Variants in MCTP1 observed in about 807,000 individuals in gnomAD.
MCTP1 encodes multiple C2 and transmembrane domain containing 1.
In MCTP1, 69 loss-of-function variants were observed where a neutral mutation model predicts 120.6. The observed-to-expected ratio is 0.57, with a 90% CI of 0.47 to 0.70. The LOEUF is 0.70. Among genes scored for constraint, MCTP1 ranks in the 30% least tolerant of loss-of-function variants. The probability of loss-of-function intolerance (pLI) is 0.00; values close to 1 mark genes in which losing one functional copy is unlikely to be tolerated. For missense variants in MCTP1, 1,203 were observed against 1,248.8 expected, an observed-to-expected ratio of 0.96 and a Z score of 0.55; for synonymous variants, 529 against 493.1, an observed-to-expected ratio of 1.07 and a Z score of -0.96.
chr5:95,048,675 T>C (rs1313089163), intron 1 of MCTP1, among the ~76,000 whole-genome samples: 3 of 152,190 alleles, frequency 2.0e-5, no homozygotes, highest in African/African-American at 7.2e-5. Flanking sequence ...GGGTGTTCCA[T>C]GGCTGTTTGC....
intron 1 of MCTP1, among the ~76,000 whole-genome samples, chr5:95,272,596 A>G (rs1759495702): frequency 6.6e-6 from 1 of 152,250 alleles, no homozygotes; most frequent in South Asian, 2.1e-4. Context: ...GAAAGTGAAA[A>G]TGTCAGATAA....
chr5:94,983,668 A>AATCTATCTATCTATCTATCTATCT (rs57481277), intron 2 of MCTP1, among the ~76,000 whole-genome samples: 20 of 150,792 alleles, frequency 1.3e-4, no homozygotes, highest in African/African-American at 4.9e-4. Context: ...TCTGTCTGTC[A>AATCTATCTATCTATCTATCTATCT]ATCTATCTAT....
At chr5:94,771,312 G>A (rs969688576) in intron 19 of MCTP1, among the ~76,000 whole-genome samples, 8 of 152,128 alleles carry the variant, frequency 5.3e-5, no homozygotes, top group Non-Finnish European at 1.0e-4. Flanking sequence ...CTTCTGGGGA[G>A]AAAGTGTAAA....
At chr5:94,821,383 C>T (rs757122159) in intron 17 of MCTP1, among the ~76,000 whole-genome samples, 1 of 152,134 alleles carries the variant, frequency 6.6e-6, no homozygotes, top group East Asian at 1.9e-4. Flanking sequence ...TTCCCTTCAT[C>T]GACCTTCTGG....
chr5:94,794,908 G>A (rs1415543680), intron 18 of MCTP1, among the ~76,000 whole-genome samples: 1 of 152,132 alleles, frequency 6.6e-6, no homozygotes, highest in African/African-American at 2.4e-5. Context: ...GGAGAAACTT[G>A]CTGTAACAGT....
chr5:95,022,156 A>C (rs1838316340), intron 1 of MCTP1, among the ~76,000 whole-genome samples: 1 of 152,160 alleles, frequency 6.6e-6, no homozygotes, highest in South Asian at 2.1e-4. Flanking sequence ...CGTACTTCTT[A>C]GGAAGGCACT....
chr5:94,869,356 G>A (rs1382025295), intron 16 of MCTP1, among the ~76,000 whole-genome samples: 1 of 151,938 alleles, frequency 6.6e-6, no homozygotes, highest in Non-Finnish European at 1.5e-5. Flanking sequence ...ATATATATGG[G>A]CAAATATACA....
At chr5:94,885,630 C>G (rs1436417116) in intron 12 of MCTP1, among the ~76,000 whole-genome samples, 3 of 114,536 alleles carry the variant, frequency 2.6e-5, no homozygotes, top group African/African-American at 1.0e-4. Context: ...TTCCTCACAA[C>G]GTGTAGAGTT....
At chr5:95,144,816 G>A (rs999888157) in intron 1 of MCTP1, among the ~76,000 whole-genome samples, 1 of 152,120 alleles carries the variant, frequency 6.6e-6, no homozygotes, top group African/African-American at 2.4e-5. Flanking sequence ...TAGCCTTGTA[G>A]TATAGTGGGA....
At chr5:94,930,895 G>T (rs144329872) in intron 6 of MCTP1, 1 of 152,178 alleles carries the variant, frequency 6.6e-6, no homozygotes, top group East Asian at 1.9e-4. Flanking sequence ...TGAACATTAA[G>T]TTAGAAATAT....
intron 1 of MCTP1, among the ~76,000 whole-genome samples, chr5:95,179,369 G>C (rs183441798): frequency 1.3e-5 from 2 of 152,124 alleles, no homozygotes; most frequent in Non-Finnish European, 2.9e-5. Flanking sequence ...CATCATCTAG[G>C]CACATAGTCA....
intron 10 of MCTP1, among the ~76,000 whole-genome samples, chr5:94,902,199 T>C (rs1805707126): frequency 6.6e-6 from 1 of 152,112 alleles, no homozygotes; most frequent in Non-Finnish European, 1.5e-5. Flanking sequence ...ATAACACTAA[T>C]TGAACAAGCA....
intron 19 of MCTP1, among the ~76,000 whole-genome samples, chr5:94,760,936 C>T (rs1171040293): frequency 6.6e-6 from 1 of 152,178 alleles, no homozygotes; most frequent in Non-Finnish European, 1.5e-5. Context: ...TATCTCGTCT[C>T]AGCCTCCCAA....
At chr5:95,205,788 C>G (rs1466203297) in intron 1 of MCTP1, among the ~76,000 whole-genome samples, 1 of 152,108 alleles carries the variant, frequency 6.6e-6, no homozygotes, top group East Asian at 1.9e-4. Context: ...AAAAGAAGAT[C>G]AACATCATTA....
At position 94,803,570 on chromosome 5, in the gene MCTP1, T is replaced by C. The variant is rs149821291; in HGVS notation, c.2437-4438A>G. 3.3e-5 allele frequency among the ~76,000 whole-genome samples: 5 copies of C among 152,316 alleles called. No homozygotes were observed. The East Asian group carries it at 9.6e-4, about 29-fold the overall frequency. On this transcript the variant is annotated intron_variant, in intron 17 of 22. Transcript: ENST00000515393. ...GAAGCAATTAAGCCGATGCTTGACA[T>C]CTATAAGATGCTCAACAAGCATTAG...
At chr5:94,983,496 C>T (rs1172504706) in intron 2 of MCTP1, among the ~76,000 whole-genome samples, 1 of 152,072 alleles carries the variant, frequency 6.6e-6, no homozygotes, top group African/African-American at 2.4e-5. Flanking sequence ...GCTGCCATAA[C>T]AAAGAGATCC....
intron 6 of MCTP1, among the ~76,000 whole-genome samples, chr5:94,929,056 T>A (rs748429351): frequency 9.2e-5 from 14 of 152,108 alleles, no homozygotes; most frequent in Non-Finnish European, 1.9e-4. Context: ...ATGATGAAAA[T>A]GACGAGTAGA....
intron 1 of MCTP1, among the ~76,000 whole-genome samples, chr5:95,141,345 CA>C (rs1759915354): frequency 6.6e-6 from 1 of 152,208 alleles, no homozygotes; most frequent in African/African-American, 2.4e-5. Context: ...CTCAAGACCA[CA>C]GTTTGTTTTA....
At chr5:95,281,690 C>A (rs547612125) in intron 1 of MCTP1, among the ~76,000 whole-genome samples, 156 of 152,300 alleles carry the variant, frequency 1.0e-3, no homozygotes, top group African/African-American at 3.6e-3. Context: ...TGCTGATTCT[C>A]TATAATGAAA....
Sources: allele counts gnomAD v4.1 joint callset (sites outside exome capture counted in the v4.1 genomes callset), GRCh38; gene constraint gnomAD v4.1.1; transcripts MANE v1.5; gene names NCBI Gene and HGNC (gene_info 2026-07-23, HGNC 2026-07-21).